The following ANKS1B variants were observed in gnomAD, a reference collection of about 807,000 sequenced individuals.
ANKS1B encodes ankyrin repeat and sterile alpha motif domain containing 1B.
In ANKS1B, 36 loss-of-function variants were observed where a neutral mutation model predicts 148.3. The ratio of observed to expected loss-of-function variants is 0.24; its 90% confidence interval spans 0.19 to 0.32. ANKS1B has a LOEUF of 0.32. Among genes scored for constraint, ANKS1B ranks in the 10% least tolerant of loss-of-function variants. ANKS1B has a pLI of 1.00. For missense variants in ANKS1B, 1,157 were observed against 1,542.6 expected (o/e 0.75, Z 4.19); for synonymous variants, 542 against 560.8 (o/e 0.97, Z 0.47).
chr12:99,333,498 G>A (rs771452019), intron 12 of ANKS1B, among the ~76,000 whole-genome samples: 1 of 151,812 alleles, frequency 6.6e-6, no homozygotes, highest in Non-Finnish European at 1.5e-5. Context: ...ACCAATCACT[G>A]GGTGAGATAC....
intron 9 of ANKS1B, among the ~76,000 whole-genome samples, chr12:99,534,068 A>G (rs1408736510): frequency 1.3e-5 from 2 of 152,234 alleles, no homozygotes. Flanking sequence ...GGTAACATAA[A>G]GGTAAATAAT....
intron 12 of ANKS1B, among the ~76,000 whole-genome samples, chr12:99,262,800 G>A (rs1484535482): frequency 6.6e-6 from 1 of 151,936 alleles, no homozygotes; most frequent in Non-Finnish European, 1.5e-5. Flanking sequence ...TCAAATAACT[G>A]ATACATTTGA....
chr12:99,686,640 C>A (rs2098650972), intron 8 of ANKS1B, among the ~76,000 whole-genome samples: 1 of 152,074 alleles, frequency 6.6e-6, no homozygotes, highest in South Asian at 2.1e-4. Flanking sequence ...ATAAGTATGA[C>A]AATTATAGAC....
At chr12:98,862,438 T>C (rs1287570154) in intron 17 of ANKS1B, among the ~76,000 whole-genome samples, 5 of 152,148 alleles carry the variant, frequency 3.3e-5, no homozygotes, top group African/African-American at 1.2e-4. Flanking sequence ...TGGAACATAG[T>C]GAACACTCAA....
At chr12:99,355,434 C>T (rs2091881535) in intron 12 of ANKS1B, among the ~76,000 whole-genome samples, 2 of 152,114 alleles carry the variant, frequency 1.3e-5, no homozygotes, top group African/African-American at 2.4e-5. Context: ...TAGGTTCATT[C>T]TGTTATTTTA....
chr12:99,155,990 T>A (rs1333243144), intron 14 of ANKS1B, among the ~76,000 whole-genome samples: 6 of 152,242 alleles, frequency 3.9e-5, no homozygotes, highest in Admixed American at 3.9e-4. Context: ...TAAAGATAAC[T>A]CTCTCATCCC....
chr12:99,805,894 A>G (rs1037522792), intron 4 of ANKS1B, among the ~76,000 whole-genome samples: 4 of 152,138 alleles, frequency 2.6e-5, no homozygotes, highest in Non-Finnish European at 5.9e-5. Flanking sequence ...TCCCGGTTTT[A>G]TCAACTATGT....
At chr12:99,646,334 G>C (rs1415968757) in intron 9 of ANKS1B, among the ~76,000 whole-genome samples, 2 of 151,990 alleles carry the variant, frequency 1.3e-5, no homozygotes, top group Non-Finnish European at 2.9e-5. Flanking sequence ...ATGAAAGGAA[G>C]AAATTATGTT....
At chr12:98,810,318 AACCCAAAG>A (rs1431214484) in intron 19 of ANKS1B, among the ~76,000 whole-genome samples, 2 of 152,262 alleles carry the variant, frequency 1.3e-5, no homozygotes, top group African/African-American at 4.8e-5. Flanking sequence ...TTAAGTCTCC[AACCCAAAG>A]TGAACATAGG....
rs145380445 is a variant in ANKS1B, at chr12:99,511,029, T to C, written c.1273-6388A>G. Reference sequence around the variant, plus strand: ...ATACCCCTTATTTCTTTCTCTTGCCTGATTGCCCTGGCCAGGACTTCCAAT... The same window carrying C: ...ATACCCCTTATTTCTTTCTCTTGCCCGATTGCCCTGGCCAGGACTTCCAAT... On this transcript the variant is annotated intron_variant, in intron 9 of 26. Transcript: ENST00000683438. Among the ~76,000 whole-genome samples the C allele has an allele frequency of 2.3e-3, 351 of 152,096 alleles. 2 individuals are homozygous for C. Among genetic ancestry groups the C allele is most frequent in the African/African-American group, 7.9e-3 (329 of 41,520 alleles).
intron 10 of ANKS1B, among the ~76,000 whole-genome samples, chr12:99,447,881 C>A (rs1378511041): frequency 6.6e-6 from 1 of 151,948 alleles, no homozygotes; most frequent in African/African-American, 2.4e-5. Context: ...CAGAGAAATG[C>A]AAATCAGAAC....
intron 10 of ANKS1B, among the ~76,000 whole-genome samples, chr12:99,451,098 C>T (rs990548442): frequency 6.6e-6 from 1 of 152,138 alleles, no homozygotes; most frequent in Non-Finnish European, 1.5e-5. Context: ...AAATGAGGCA[C>T]ATAAAACTGC....
chr12:99,141,129 T>G (rs1173033361), intron 15 of ANKS1B, among the ~76,000 whole-genome samples: 2 of 152,110 alleles, frequency 1.3e-5, no homozygotes, highest in Non-Finnish European at 2.9e-5. Flanking sequence ...CAATACCTCT[T>G]TTTCTACCTA....
chr12:98,855,083 C>A (rs1381480562), intron 17 of ANKS1B, among the ~76,000 whole-genome samples: 1 of 149,772 alleles, frequency 6.7e-6, no homozygotes, highest in Admixed American at 6.7e-5. Flanking sequence ...GGCGTGAACC[C>A]GGGAAGCGGA....
chr12:99,660,156 T>C (rs1024216182), intron 8 of ANKS1B, among the ~76,000 whole-genome samples: 1 of 152,190 alleles, frequency 6.6e-6, no homozygotes, highest in African/African-American at 2.4e-5. Flanking sequence ...AAGTAATACA[T>C]GCTTATTGTA....
At chr12:98,805,020 A>G (rs1048209822) in intron 20 of ANKS1B, among the ~76,000 whole-genome samples, 9 of 152,208 alleles carry the variant, frequency 5.9e-5, no homozygotes, top group Non-Finnish European at 1.3e-4. Context: ...GAATAGCAAA[A>G]TGAAGTAGGA....
intron 1 of ANKS1B, among the ~76,000 whole-genome samples, chr12:99,957,202 G>C (rs1421472277): frequency 2.0e-5 from 3 of 152,122 alleles, no homozygotes; most frequent in Non-Finnish European, 4.4e-5. Context: ...ATGAATCCTA[G>C]CTTCTCCTTT....
At chr12:99,008,935 A>G (rs561760374) in intron 17 of ANKS1B, among the ~76,000 whole-genome samples, 13 of 152,298 alleles carry the variant, frequency 8.5e-5, no homozygotes, top group African/African-American at 2.9e-4. Context: ...TTCAGGGAAG[A>G]TGGTGGAGAA....
intron 1 of ANKS1B, among the ~76,000 whole-genome samples, chr12:99,860,210 A>G (rs1393040972): frequency 6.6e-6 from 1 of 152,232 alleles, no homozygotes; most frequent in Non-Finnish European, 1.5e-5. Context: ...AAAGACACAG[A>G]GCAATTATGC....
Sources: allele counts gnomAD v4.1 joint callset (sites outside exome capture counted in the v4.1 genomes callset), GRCh38; gene constraint gnomAD v4.1.1; transcripts MANE v1.5; gene names NCBI Gene and HGNC (gene_info 2026-07-23, HGNC 2026-07-21).